AGAP1: variants seen among roughly 807,000 people sequenced by gnomAD.
The protein encoded by AGAP1 is ArfGAP with GTPase domain, ankyrin repeat and PH domain 1, also known as arf-GAP with GTPase, ANK repeat and PH domain-containing protein 1.
Under a neutral mutation model 105.3 loss-of-function variants are expected in AGAP1, and 29 were observed. The observed-to-expected ratio is 0.28, with a 90% CI of 0.21 to 0.38. AGAP1 has a LOEUF of 0.38. Among genes scored for constraint, AGAP1 ranks in the 10% least tolerant of loss-of-function variants. The pLI is 1.00. For missense variants in AGAP1, 998 were observed against 1,165.1 expected, an observed-to-expected ratio of 0.86 and a Z score of 2.09; for synonymous variants, 509 against 485.9, an observed-to-expected ratio of 1.05 and a Z score of -0.63.
intron 9 of AGAP1, among the ~76,000 whole-genome samples, chr2:235,828,213 A>C (rs1208334599): frequency 6.6e-6 from 1 of 152,196 alleles, no homozygotes; most frequent in Non-Finnish European, 1.5e-5. Context: ...AACTCAGTGA[A>C]ATGAGCATTC....
rs570618274 is a variant in AGAP1 at position 235,577,260 on chromosome 2, C to T, written c.163+82411C>T. The stretch of plus-strand genomic sequence containing the variant: ...ATTGCAATTATCTGGAATTTGTGGA[C>T]GAGGTTTGCTATAATCCTGTTTGGT... On this transcript the variant is annotated intron_variant, in intron 1 of 17. Coordinates refer to ENST00000304032, the MANE Select transcript of AGAP1 (RefSeq NM_001037131.3). This position sits in a 1 kb window ranked among gnomAD's most constrained non-coding sequence, Gnocchi z 4.5. 9.2e-5 allele frequency among the ~76,000 whole-genome samples: 14 copies of T among 152,274 alleles called. No homozygotes were observed. The South Asian group carries it at 1.2e-3, about 14-fold the overall frequency.
At chr2:235,675,158 C>T (rs1354380602) in intron 1 of AGAP1, among the ~76,000 whole-genome samples, 1 of 149,586 alleles carries the variant, frequency 6.7e-6, no homozygotes, top group African/African-American at 2.5e-5. Context: ...CTGAAAAGGA[C>T]ACTTTTTGTT....
Position 236,124,155 on chromosome 2 carries a change from G to A in AGAP1, c.*33G>A. The A allele has an allele frequency of 6.2e-7, 1 of 1,605,548 alleles. No individual in the cohort carries two copies. The highest frequency in any genetic ancestry group is 8.5e-7 in the Non-Finnish European group (1 of 1,173,612). ...CCGTGCCCGCCTGCTCGCCGCACCT[G>A]GGACGCGGCAGCCTCGCCGCATTCT... On this transcript the variant is annotated 3_prime_UTR_variant, in exon 18 of 18. Coordinates refer to ENST00000304032, the MANE Select transcript of AGAP1 (RefSeq NM_001037131.3). This position sits in a 1 kb window ranked among gnomAD's most constrained non-coding sequence, Gnocchi z 5.1.
At chr2:235,772,304 T>TA (rs1955523691) in intron 6 of AGAP1, among the ~76,000 whole-genome samples, 1 of 152,172 alleles carries the variant, frequency 6.6e-6, no homozygotes, top group African/African-American at 2.4e-5. Context: ...AGATATTTCT[T>TA]ATAATCCCGC....
chr2:235,518,065 C>T (rs577013164), intron 1 of AGAP1, among the ~76,000 whole-genome samples: 4 of 152,200 alleles, frequency 2.6e-5, no homozygotes, highest in Non-Finnish European at 5.9e-5. Flanking sequence ...GCCCAGCCTC[C>T]GAAGGTGCAG....
In AGAP1 at chr2:235,888,459, C is replaced by T. The variant is rs1449958346; in HGVS notation, c.1155+5010C>T. ...TTAAATTCCCAGGCGAGCTCCCCAA[C>T]CAGTCCTCCCTAGACAAGACAGGCA... is the stretch of plus-strand genomic sequence containing the variant. On this transcript the variant is annotated intron_variant, in intron 10 of 17. Coordinates refer to ENST00000304032, the MANE Select transcript of AGAP1 (RefSeq NM_001037131.3). The surrounding 1 kb of genome is among the most constrained non-coding windows in gnomAD (Gnocchi z 4.8). Among the ~76,000 whole-genome samples, 1 of 152,074 alleles carries T rather than the reference C, an allele frequency of 6.6e-6. No homozygotes were observed. The highest frequency in any genetic ancestry group is 1.5e-5 in the Non-Finnish European group (1 of 68,030).
intron 2 of AGAP1, among the ~76,000 whole-genome samples, chr2:235,713,479 C>T (rs1485460607): frequency 3.3e-5 from 5 of 152,354 alleles, no homozygotes; most frequent in Non-Finnish European, 5.9e-5. Flanking sequence ...TTTACTCGGC[C>T]CGTGCTCTTG....
rs79134700 is a variant in AGAP1, at chr2:235,724,931, C to T, written c.310+7287C>T. On this transcript the variant is annotated intron_variant, in intron 3 of 17. Coordinates refer to ENST00000304032, the MANE Select transcript of AGAP1 (RefSeq NM_001037131.3). This position sits in a 1 kb window ranked among gnomAD's most constrained non-coding sequence, Gnocchi z 4.9. ...TCTGTTTGGTTTATTTGGTTCACAT[C>T]AGAGTTTGCTAAAGGCTTGGAGGTT... 1.3e-5 allele frequency among the ~76,000 whole-genome samples: 2 copies of T among 152,182 alleles called. No individual in the cohort carries two copies. Among genetic ancestry groups the T allele is most frequent in the Non-Finnish European group, 2.9e-5 (2 of 68,034 alleles).
intron 13 of AGAP1, among the ~76,000 whole-genome samples, chr2:235,997,012 G>C (rs558170186): frequency 4.5e-4 from 68 of 152,320 alleles, no homozygotes; most frequent in African/African-American, 1.5e-3. Flanking sequence ...CCAGTGTTCT[G>C]GCTTTACCCA....
chr2:236,035,471 C>G lies in AGAP1; in HGVS notation c.1646-1090C>G, dbSNP rs1201310313. Among the ~76,000 whole-genome samples, 1 of 152,072 alleles carries G rather than the reference C, an allele frequency of 6.6e-6. No individual in the cohort carries two copies. The highest frequency in any genetic ancestry group is 1.5e-5 in the Non-Finnish European group (1 of 68,012). ...GAGACACCATCTCTACAAAAAATGT[C>G]TAACAATTGGCCAGGTGTGATGGTA... On this transcript the variant is annotated intron_variant, in intron 13 of 17. Transcript: ENST00000304032. This position sits in a 1 kb window ranked among gnomAD's most constrained non-coding sequence, Gnocchi z 4.2.
At chr2:235,572,803 T>C (rs1208779071) in intron 1 of AGAP1, among the ~76,000 whole-genome samples, 1 of 152,192 alleles carries the variant, frequency 6.6e-6, no homozygotes, top group Non-Finnish European at 1.5e-5. Context: ...TACTGTGTGC[T>C]CAGCGTGTGC....
At chr2:235,520,722 A>T (rs1942582027) in intron 1 of AGAP1, among the ~76,000 whole-genome samples, 1 of 152,232 alleles carries the variant, frequency 6.6e-6, no homozygotes, top group African/African-American at 2.4e-5. Context: ...CTTTCGGGTC[A>T]TGTAGGAAAG....
At position 235,789,492 on chromosome 2, in the gene AGAP1, CAA is replaced by C. The variant is rs533377539; in HGVS notation, c.674-8266_674-8265del. On this transcript the variant is annotated intron_variant, in intron 6 of 17. Transcript: ENST00000304032. The surrounding 1 kb of genome is among the most constrained non-coding windows in gnomAD (Gnocchi z 4.2). ...TACAACGAGATAAAAAGAATACAGA[CAA>C]GAACTGAATTTCAGATTAAGAATTC... Among the ~76,000 whole-genome samples the C allele has an allele frequency of 1.1e-3, 171 of 152,214 alleles. 1 individual carries two copies. The highest frequency in any genetic ancestry group is 3.8e-3 in the African/African-American group (159 of 41,544).
intron 1 of AGAP1, chr2:235,671,102 G>A: frequency 1.6e-6 from 2 of 1,251,348 alleles, no homozygotes; most frequent in Non-Finnish European, 1.0e-6. Context: ...GGGGCGTGGT[G>A]GGGACTTGCC....
Position 235,888,173 on chromosome 2 carries a change from G to A in AGAP1, c.1155+4724G>A, listed in dbSNP as rs942982454. ...GTAAACAACTGAGTCAAGTTTAAAC[G>A]GAATAGGCCAATGTGGTTATGGGCA... On this transcript the variant is annotated intron_variant, in intron 10 of 17. Transcript: ENST00000304032. This position sits in a 1 kb window ranked among gnomAD's most constrained non-coding sequence, Gnocchi z 4.8. Among the ~76,000 whole-genome samples, 2 of 152,146 alleles carry A rather than the reference G, an allele frequency of 1.3e-5. No individual in the cohort carries two copies. The highest frequency in any genetic ancestry group is 2.4e-5 in the African/African-American group (1 of 41,444).
chr2:235,974,431 C>T (rs1559714093), intron 13 of AGAP1, among the ~76,000 whole-genome samples: 1 of 152,226 alleles, frequency 6.6e-6, no homozygotes, highest in Non-Finnish European at 1.5e-5. Flanking sequence ...TTTACCCAAT[C>T]TTATTATACA....
intron 1 of AGAP1, among the ~76,000 whole-genome samples, chr2:235,706,988 G>A (rs1282099098): frequency 6.6e-6 from 1 of 152,236 alleles, no homozygotes; most frequent in Non-Finnish European, 1.5e-5. Flanking sequence ...CGCTTGCTGG[G>A]TGTCAGGCCC....
At chr2:235,742,391 A>G (rs996175662) in intron 4 of AGAP1, among the ~76,000 whole-genome samples, 1 of 152,224 alleles carries the variant, frequency 6.6e-6, no homozygotes, top group Non-Finnish European at 1.5e-5. Flanking sequence ...CGCAATAATT[A>G]GGTGCATTCT....
chr2:235,820,590 A>T (rs1241919133), intron 9 of AGAP1, among the ~76,000 whole-genome samples: 1 of 152,256 alleles, frequency 6.6e-6, no homozygotes, highest in African/African-American at 2.4e-5. Context: ...AGTTTTTACC[A>T]TATTGTTCAG....
Sources: gnomAD v4.1 joint callset for allele counts (sites outside exome capture counted in the v4.1 genomes callset) on GRCh38, gnomAD v4.1.1 for gene constraint, Gnocchi (gnomAD v3.1) non-coding constraint, MANE v1.5 for transcripts, NCBI Gene and HGNC (gene_info 2026-07-23, HGNC 2026-07-21) for gene names.